ABCA5: variants seen among roughly 807,000 people sequenced by gnomAD.
ABCA5 encodes the protein ATP binding cassette subfamily A member 5.
In ABCA5, 163 loss-of-function variants were observed where a neutral mutation model predicts 206.0. That is an observed-to-expected ratio of 0.79 (90% confidence interval 0.70 to 0.90). The LOEUF (loss-of-function observed/expected upper bound fraction) is 0.90, where lower values mean the gene tolerates loss of function less well. ABCA5 is among the 40% of genes least tolerant of loss of function. The pLI is 0.00. For synonymous variants in ABCA5, 609 were observed against 613.8 expected (o/e 0.99, Z 0.11); for missense variants, 1,859 against 1,912.9 (o/e 0.97, Z 0.53).
intron 24 of ABCA5, among the ~76,000 whole-genome samples, chr17:69,263,333 T>C (rs1179590836): frequency 2.0e-5 from 3 of 152,222 alleles, no homozygotes; most frequent in Non-Finnish European, 2.9e-5. Context: ...GTATTTCCTA[T>C]GTTTTCTTGT....
At chr17:69,307,047 T>C in intron 5 of ABCA5, 93 bp from the exon 6 acceptor site, 2 of 751,714 alleles carry the variant, frequency 2.7e-6, no homozygotes, top group South Asian at 3.3e-5. Flanking sequence ...ATTTGGTCAG[T>C]AACCTAGTAC....
chr17:69,292,552 A>G (rs942916647), intron 11 of ABCA5, among the ~76,000 whole-genome samples: 14 of 152,164 alleles, frequency 9.2e-5, no homozygotes, highest in Non-Finnish European at 1.9e-4. Context: ...ACTGCAAATA[A>G]TTTTACTGCA....
intron 37 of ABCA5, chr17:69,249,041 A>G (rs1275850711): frequency 6.6e-6 from 1 of 152,224 alleles, no homozygotes; most frequent in Non-Finnish European, 1.5e-5. Context: ...ACATGAATAA[A>G]CAATGAACAT....
intron 4 of ABCA5, 99 bp downstream of exon 4, chr17:69,309,163 A>G: frequency 1.1e-6 from 1 of 950,244 alleles, no homozygotes; most frequent in East Asian, 2.9e-5. Context: ...AGAATAGTTG[A>G]AAATGCCAAT....
chr17:69,289,400 T>A lies in ABCA5; in HGVS notation c.1783-104A>T. The A allele has an allele frequency of 4.4e-6, 4 of 905,864 alleles. No homozygotes were observed. The African/African-American group carries it at 7.0e-5, about 16-fold the overall frequency. 56.1% of individuals were successfully genotyped at this position (905,864 alleles called of 1,614,324 possible). A position where few individuals can be genotyped will look rare whatever the true frequency, so the allele number is the denominator to read the frequency against. ...TTTAAGTTTTAATGTGTTAGATATT[T>A]AAGTAACATAGGTTTTTAAATAATT... On this transcript the variant is annotated intron_variant, in intron 13 of 38. Transcript: ENST00000392676.
In ABCA5 at chr17:69,301,184, T is replaced by C. The variant is rs2145009650; in HGVS notation, c.1222A>G (p.Ile408Val). 1.9e-6 allele frequency: 3 copies of C among 1,593,236 alleles called. No individual in the cohort carries two copies. Among genetic ancestry groups the C allele is most frequent in the South Asian group, 1.2e-5 (1 of 86,410 alleles). The change falls in exon 9 of 39, where the codon ATA (isoleucine) becomes GTA (valine). Residue 408 changes from isoleucine to valine, a missense_variant. By Grantham distance (29) the Ile-to-Val change is conservative. Coordinates refer to ENST00000392676, the MANE Select transcript of ABCA5 (RefSeq NM_172232.4). Reference sequence around the variant, plus strand: ...TAGACAGCCAAGAGGACATAGAATATACTATTAAGTGTGAGCATGATAATT... The same window carrying C: ...TAGACAGCCAAGAGGACATAGAATACACTATTAAGTGTGAGCATGATAATT... ...ITIIMLTLNS[I>V]FYVLLAVYLD...
At chr17:69,309,225 T>C (rs373883392) in intron 4 of ABCA5, 37 bp downstream of exon 4, 1 of 1,476,702 alleles carries the variant, frequency 6.8e-7, no homozygotes, top group South Asian at 1.4e-5. Flanking sequence ...AAGATATGCA[T>C]TTAATTGATC....
intron 31 of ABCA5, among the ~76,000 whole-genome samples, 179 bp from the exon 32 acceptor site, chr17:69,254,669 A>G (rs1196505974): frequency 1.3e-5 from 2 of 152,084 alleles, no homozygotes; most frequent in African/African-American, 4.8e-5. Flanking sequence ...ATGTGCCACC[A>G]TGCCTGGCTA....
intron 8 of ABCA5, 27 bp from the exon 9 acceptor site, chr17:69,301,313 T>C (rs767006136): frequency 1.1e-5 from 18 of 1,569,338 alleles, no homozygotes; most frequent in African/African-American, 4.2e-5. Flanking sequence ...CTAACTTTAT[T>C]ACATAAAAAT....
intron 1 of ABCA5, chr17:69,325,600 T>C (rs894040677): frequency 1.3e-5 from 2 of 152,220 alleles, no homozygotes; most frequent in African/African-American, 4.8e-5. Context: ...ATCGGTACTC[T>C]TGGCACATAG....
At chr17:69,275,288 G>A (rs2075319440) in intron 19 of ABCA5, among the ~76,000 whole-genome samples, 1 of 152,114 alleles carries the variant, frequency 6.6e-6, no homozygotes, top group Admixed American at 6.5e-5. Flanking sequence ...GCTCTCAGGA[G>A]GCAAAGCAAG....
chr17:69,245,081 A>C lies in ABCA5; in HGVS notation c.*2456T>G, dbSNP rs953107974. The stretch of plus-strand genomic sequence containing the variant: ...AATTACATTACTCTAAAAATGTTTT[A>C]ATGATTAAAACCAAAATACTGACCT... On this transcript the variant is annotated 3_prime_UTR_variant, in exon 39 of 39. Transcript: ENST00000392676. 6.6e-6 allele frequency: 1 copy of C among 151,678 alleles called. No homozygotes were observed. The highest frequency in any genetic ancestry group is 1.5e-5 in the Non-Finnish European group (1 of 67,768). The allele number at this position is 151,678 out of a possible 1,614,324, so 9.4% of individuals were successfully genotyped here.
intron 25 of ABCA5, 116 bp downstream of exon 25, chr17:69,261,519 T>A (rs2075147095): frequency 1.6e-6 from 1 of 626,450 alleles, no homozygotes; most frequent in African/African-American, 1.9e-5. Context: ...AGCTGCCAAT[T>A]ACCTATCTAA....
intron 34 of ABCA5, 77 bp from the exon 35 acceptor site, chr17:69,251,943 CG>C (rs1245695550): frequency 4.6e-6 from 7 of 1,519,252 alleles, no homozygotes; most frequent in Middle Eastern, 1.7e-4. Flanking sequence ...AAAATCCAAC[CG>C]GTTGGTTAAT....
intron 31 of ABCA5, among the ~76,000 whole-genome samples, chr17:69,255,342 G>A (rs1340972326): frequency 6.6e-6 from 1 of 152,142 alleles, no homozygotes; most frequent in Non-Finnish European, 1.5e-5. Context: ...ATATGCGTGT[G>A]TCTACATGTG....
intron 34 of ABCA5, 60 bp from the exon 35 acceptor site, chr17:69,251,926 GT>G (rs1378197905): frequency 1.3e-6 from 2 of 1,574,550 alleles, no homozygotes; most frequent in Non-Finnish European, 1.7e-6. Context: ...AAAAAAATGG[GT>G]TTTTAAAAAT....
At chr17:69,312,251 T>TAC (rs1567782769) in intron 3 of ABCA5, among the ~76,000 whole-genome samples, 1 of 152,176 alleles carries the variant, frequency 6.6e-6, no homozygotes, top group Non-Finnish European at 1.5e-5. Context: ...CTTCACTGCT[T>TAC]ACACTGTTTT....
chr17:69,273,819 C>T (rs192786240), intron 20 of ABCA5, 140 bp downstream of exon 20: 37 of 748,342 alleles, frequency 4.9e-5, no homozygotes, highest in African/African-American at 2.9e-4. Context: ...CAATAAGATA[C>T]GTATTGAACT....
At chr17:69,259,665 A>G (rs1215945453) in intron 28 of ABCA5, 41 bp downstream of exon 28, 3 of 1,343,466 alleles carry the variant, frequency 2.2e-6, no homozygotes, top group East Asian at 2.4e-5. Context: ...AGTTCTGTAA[A>G]TATACTAAAA....
Sources: allele counts gnomAD v4.1 joint callset (sites outside exome capture counted in the v4.1 genomes callset), GRCh38; gene constraint gnomAD v4.1.1; transcripts MANE v1.5; gene names NCBI Gene and HGNC (gene_info 2026-07-23, HGNC 2026-07-21).